AIPL1: variants seen among roughly 807,000 people sequenced by gnomAD.
AIPL1 encodes the protein AIP like 1 HSP90 co-chaperone, also known as aryl-hydrocarbon-interacting protein-like 1.
In AIPL1, 23 loss-of-function variants were observed where a neutral mutation model predicts 32.9. That is an observed-to-expected ratio of 0.70 (90% CI 0.50 to 0.99). AIPL1 has a LOEUF of 0.99. Ranked by LOEUF, AIPL1 falls within the 50% of genes least tolerant of loss-of-function variation. The pLI, the probability that AIPL1 is intolerant of heterozygous loss-of-function variation, is 0.00. For synonymous variants in AIPL1, 210 were observed against 209.4 expected (o/e 1.00, Z -0.02); for missense variants, 485 against 506.0 (o/e 0.96, Z 0.40).
intron 2 of AIPL1, among the ~76,000 whole-genome samples, chr17:6,433,290 C>A (rs935477430): frequency 9.2e-5 from 14 of 152,186 alleles, no homozygotes; most frequent in African/African-American, 3.4e-4. Context: ...CAGATCTAAT[C>A]ATGCTGTATA....
In AIPL1 at chr17:6,434,129, G is replaced by C. The variant is rs1044206130; in HGVS notation, c.97-31C>G. 3.7e-6 allele frequency: 6 copies of C among 1,608,242 alleles called. 1 individual carries two copies. In the Admixed American group the frequency reaches 1.0e-4, roughly 27 times the overall value. ...CACCGAGACGGTGCACTCTGCTCTA[G>C]ACACACTGTTCAAGGCCCGGCAGAA... On this transcript the variant is annotated intron_variant, in intron 1 of 5. Coordinates refer to ENST00000381129, the MANE Select transcript of AIPL1 (RefSeq NM_014336.5).
rs1911802071 is a variant in AIPL1, at chr17:6,425,315, T to TTG, written c.*144_*145insCA. On this transcript the variant is annotated 3_prime_UTR_variant, in exon 6 of 6. Transcript: ENST00000381129. ...TCTGTACCCTTGGGATTGTTTTTTT[T>TTG]TTTTTTTTTACCATGGGTGTGTCTG... The TTG allele has an allele frequency of 1.1e-5, 12 of 1,084,988 alleles. 1 individual carries two copies. Among genetic ancestry groups the TTG allele is most frequent in the South Asian group, 7.8e-5 (4 of 51,094 alleles). 67.2% of individuals were successfully genotyped at this position (1,084,988 alleles called of 1,614,324 possible). A position where few individuals can be genotyped will look rare whatever the true frequency, so the allele number is the denominator to read the frequency against.
intron 4 of AIPL1, 39 bp from the exon 5 acceptor site, chr17:6,426,795 G>A: frequency 6.2e-7 from 1 of 1,612,420 alleles, no homozygotes; most frequent in Non-Finnish European, 8.5e-7. Context: ...TCAGGCAGCT[G>A]CCCAACCCCC....
chr17:6,429,509 G>C (rs1198858749), intron 2 of AIPL1, among the ~76,000 whole-genome samples: 1 of 152,230 alleles, frequency 6.6e-6, no homozygotes, highest in Non-Finnish European at 1.5e-5. Flanking sequence ...CCAAGGGAGG[G>C]AGAGGCCCCA....
At chr17:6,427,425 GCA>G (rs1319144083) in intron 3 of AIPL1, among the ~76,000 whole-genome samples, 1 of 152,264 alleles carries the variant, frequency 6.6e-6, no homozygotes, top group East Asian at 1.9e-4. Context: ...CTTGTGCAGT[GCA>G]CAGACCACAC....
intron 2 of AIPL1, among the ~76,000 whole-genome samples, chr17:6,431,690 A>G: frequency 6.6e-6 from 1 of 152,208 alleles, no homozygotes; most frequent in East Asian, 1.9e-4. Context: ...GCTCATTTAA[A>G]AGGTCAGTGG....
intron 5 of AIPL1, chr17:6,426,203 C>G (rs919003795): frequency 1.6e-6 from 2 of 1,278,356 alleles, no homozygotes; most frequent in Non-Finnish European, 2.0e-6. Context: ...GATGCATGAG[C>G]CAGGGGCTGG....
At position 6,428,364 on chromosome 17, in the gene AIPL1, A is replaced by G. The variant is rs1485351241; in HGVS notation, c.419T>C (p.Leu140Pro). ...GACCAGAGGCTGAGGCTCCTTCTGC[A>G]GCTCGTCCAGGTCCTCGTAGCCCAG... Reference protein sequence around the residue: ...HTLGYEDLDELQKEPQPLVFV... With the variant: ...HTLGYEDLDEPQKEPQPLVFV... The change falls in exon 3 of 6, where the codon CTG becomes CCG. Residue 140 changes from leucine to proline, a missense_variant. Leu to Pro is a moderately conservative substitution (Grantham distance 98). Coordinates refer to ENST00000381129, the MANE Select transcript of AIPL1 (RefSeq NM_014336.5). The G allele has an allele frequency of 6.2e-7, 1 of 1,611,916 alleles. No homozygotes were observed. The highest frequency in any genetic ancestry group is 2.2e-5 in the East Asian group (1 of 44,888).
intron 2 of AIPL1, among the ~76,000 whole-genome samples, chr17:6,428,844 C>T (rs1022853003): frequency 2.0e-5 from 3 of 152,220 alleles, no homozygotes; most frequent in Non-Finnish European, 2.9e-5. Context: ...TGTTAGCCTC[C>T]GGCTGCCTCT....
rs193197615 is a variant in AIPL1, at chr17:6,434,819, T to C, written c.96+190A>G. 2,219 of 1,013,302 alleles carry C rather than the reference T, an allele frequency of 2.2e-3. 2 individuals are homozygous for C. The highest frequency in any genetic ancestry group is 2.9e-3 in the Non-Finnish European group (2,049 of 714,772). The allele number at this position is 1,013,302 out of a possible 1,614,324, so 62.8% of individuals were successfully genotyped here. A position where few individuals can be genotyped will look rare whatever the true frequency, so the allele number is the denominator to read the frequency against. Reference sequence around the variant, plus strand: ...CCCTTCCCCTCAGCCCATGCTAAAGTTGAATCTGCAAAGTACCAAAAATGC... The same window carrying C: ...CCCTTCCCCTCAGCCCATGCTAAAGCTGAATCTGCAAAGTACCAAAAATGC... On this transcript the variant is annotated intron_variant, in intron 1 of 5. Coordinates refer to ENST00000381129, the MANE Select transcript of AIPL1 (RefSeq NM_014336.5).
Position 6,424,346 on chromosome 17 carries a change from TC to T in AIPL1, c.*1113del, listed in dbSNP as rs1186252338. 1 of 152,206 alleles carries T rather than the reference TC, an allele frequency of 6.6e-6. No individual in the cohort carries two copies. The highest frequency in any genetic ancestry group is 1.5e-5 in the Non-Finnish European group (1 of 68,058). 9.4% of individuals were successfully genotyped at this position (152,206 alleles called of 1,614,324 possible). On this transcript the variant is annotated 3_prime_UTR_variant, in exon 6 of 6. Coordinates refer to ENST00000381129, the MANE Select transcript of AIPL1 (RefSeq NM_014336.5). ...GACCCCAGGACCCAGAAGTTACTAC[TC>T]CTTCCCTAGAAATCTTTGTATATGC... is the stretch of plus-strand genomic sequence containing the variant.
intron 2 of AIPL1, among the ~76,000 whole-genome samples, chr17:6,430,839 A>G (rs2150686227): frequency 6.6e-6 from 1 of 152,370 alleles, no homozygotes; most frequent in South Asian, 2.1e-4. Flanking sequence ...TTGACTTGAT[A>G]AAAAATAAAA....
rs1190032986 is a variant in AIPL1 at position 6,425,398 on chromosome 17, A to G, written c.*62T>C. The G allele has an allele frequency of 3.3e-6, 5 of 1,505,908 alleles. No homozygotes were observed. The highest frequency in any genetic ancestry group is 2.8e-5 in the African/African-American group (2 of 71,916). 93.3% of individuals were successfully genotyped at this position (1,505,908 alleles called of 1,614,324 possible). On this transcript the variant is annotated 3_prime_UTR_variant, in exon 6 of 6. Transcript: ENST00000381129. ...AAAAGTGACACCACGATCCTGGTCA[A>G]TCGAACCAGAAGTGACCAGGCCACT... is the stretch of plus-strand genomic sequence containing the variant.
chr17:6,432,493 AC>A (rs1442202638), intron 2 of AIPL1, among the ~76,000 whole-genome samples: 1 of 152,252 alleles, frequency 6.6e-6, no homozygotes. Context: ...ATTTAAACAA[AC>A]CAAACTCATT....
In AIPL1 at chr17:6,428,421, C is replaced by T; in HGVS notation, c.362G>A (p.Cys121Tyr). 6.2e-7 allele frequency: 1 copy of T among 1,613,674 alleles called. No homozygotes were observed. Among genetic ancestry groups the T allele is most frequent in the Non-Finnish European group, 8.5e-7 (1 of 1,180,052 alleles). ...GTAGGCGAACATGTTGGCCAGCCCG[C>T]ACGTGTGCACGTGCCACTCTGTGGG... ...KDPTEWHVHT[C>Y]GLANMFAYHT... The change falls in exon 3 of 6, where the codon TGC becomes TAC. Residue 121 changes from cysteine (C) to tyrosine (Y), a missense_variant. Cys to Tyr is a radical substitution (Grantham distance 194). Transcript: ENST00000381129.
rs763350290 is a variant in AIPL1, at chr17:6,425,627, C to T, written c.988G>A (p.Gly330Ser). 2 of 1,612,956 alleles carry T rather than the reference C, an allele frequency of 1.2e-6. No homozygotes were observed. The highest frequency in any genetic ancestry group is 2.7e-5 in the African/African-American group (2 of 75,018). Residue 330 changes from glycine (G) to serine (S), a missense_variant, in exon 6 of 6, where the codon GGT (glycine) becomes AGT (serine). By Grantham distance (56) the Gly-to-Ser change is moderately conservative. Coordinates refer to ENST00000381129, the MANE Select transcript of AIPL1 (RefSeq NM_014336.5). ...GGCTCTGCGGGAGGCTGCGTGGCAC[C>T]CTGGCTCAGCATGTTCCGGCAGCGC... is the stretch of plus-strand genomic sequence containing the variant. ...RLRCRNMLSQ[G>S]ATQPPAEPPT...
chr17:6,426,013 C>G, intron 5 of AIPL1, 183 bp from the exon 6 acceptor site: 1 of 1,014,670 alleles, frequency 9.9e-7, no homozygotes, highest in East Asian at 2.6e-5. Flanking sequence ...ATAGCAGTAC[C>G]TCCTCCTCTC....
In AIPL1 at chr17:6,424,308, G is replaced by C. The variant is rs1911701532; in HGVS notation, c.*1152C>G. On this transcript the variant is annotated 3_prime_UTR_variant, in exon 6 of 6. Coordinates refer to ENST00000381129, the MANE Select transcript of AIPL1 (RefSeq NM_014336.5). ...TGGCAACACCCTGGCATACTGCCCT[G>C]TTCCGTGGCAAAGACCCCAGGACCC... is the stretch of plus-strand genomic sequence containing the variant. The C allele has an allele frequency of 6.6e-6, 1 of 152,246 alleles. No individual in the cohort carries two copies. 9.4% of individuals were successfully genotyped at this position (152,246 alleles called of 1,614,324 possible). A position where few individuals can be genotyped will look rare whatever the true frequency, so the allele number is the denominator to read the frequency against.
rs759934433 is a variant in AIPL1 at position 6,434,082 on chromosome 17, C to T, written c.113G>A (p.Arg38His). 20 of 1,613,962 alleles carry T rather than the reference C, an allele frequency of 1.2e-5. No homozygotes were observed. The highest frequency in any genetic ancestry group is 5.0e-5 in the Admixed American group (3 of 60,000). The change falls in exon 2 of 6, where the codon CGC (arginine) becomes CAC (histidine). Residue 38 changes from arginine (R) to histidine (H), a missense_variant. By Grantham distance (29) the Arg-to-His change is conservative (BLOSUM62 0). Coordinates refer to ENST00000381129, the MANE Select transcript of AIPL1 (RefSeq NM_014336.5). The part of the protein sequence containing the change: ...ITGSRVIFHF[R>H]TMKCDEERTV... The stretch of plus-strand genomic sequence containing the variant: ...CCGCTCCTCATCACATTTCATGGTG[C>T]GGAAATGAAAGATCACCTAGTCACC...
Sources: gnomAD v4.1 joint callset for allele counts (sites outside exome capture counted in the v4.1 genomes callset) on GRCh38, gnomAD v4.1.1 for gene constraint, MANE v1.5 for transcripts, NCBI Gene and HGNC (gene_info 2026-07-23, HGNC 2026-07-21) for gene names.